EEIG2: variants seen among roughly 807,000 people sequenced by gnomAD.
EEIG2 encodes EEIG family member 2, also known as family with sequence similarity 102 member B.
At chr1:108,571,326 A>G in the EEIG2 span, among the ~76,000 whole-genome samples, 1 of 152,202 alleles carries the variant, frequency 6.6e-6, no homozygotes, top group African/African-American at 2.4e-5. Context: ...CTGTAGGGGT[A>G]CAATACAGCT....
chr1:108,617,029 G>C, the EEIG2 span, among the ~76,000 whole-genome samples: 2 of 152,178 alleles, frequency 1.3e-5, no homozygotes, highest in Admixed American at 6.5e-5. Context: ...AGTCACACTG[G>C]CATTAGGGGG....
the EEIG2 span, among the ~76,000 whole-genome samples, chr1:108,576,910 C>A: frequency 6.6e-6 from 1 of 152,032 alleles, no homozygotes; most frequent in Non-Finnish European, 1.5e-5. Flanking sequence ...TACAGTCCCA[C>A]CAACAGTGTA....
chr1:108,570,335 G>T, the EEIG2 span, among the ~76,000 whole-genome samples: 2 of 152,158 alleles, frequency 1.3e-5, no homozygotes, highest in Non-Finnish European at 2.9e-5. Flanking sequence ...TAGAGGAAGG[G>T]AGAGGAAGTG....
the EEIG2 span, among the ~76,000 whole-genome samples, chr1:108,595,472 G>A: frequency 1.4e-5 from 2 of 145,038 alleles, no homozygotes; most frequent in African/African-American, 2.6e-5. Flanking sequence ...AAGGAAGGGA[G>A]GGGGGAAATG....
the EEIG2 span, chr1:108,639,022 A>G: frequency 4.6e-5 from 7 of 152,232 alleles, no homozygotes; most frequent in Admixed American, 4.6e-4. Flanking sequence ...CCATGGAGAA[A>G]AGACATCTCA....
chr1:108,628,536 A>G, the EEIG2 span: 1 of 1,614,042 alleles, frequency 6.2e-7, no homozygotes, highest in Non-Finnish European at 8.5e-7. Context: ...GCTGAGCCAA[A>G]TCTTGATACA....
the EEIG2 span, among the ~76,000 whole-genome samples, chr1:108,633,570 G>A: frequency 7.2e-5 from 11 of 152,282 alleles, no homozygotes; most frequent in South Asian, 1.5e-3. Flanking sequence ...CTTTAGGGAC[G>A]TTAAATTTTT....
At chr1:108,582,578 CAT>C in the EEIG2 span, among the ~76,000 whole-genome samples, 4 of 152,094 alleles carry the variant, frequency 2.6e-5, no homozygotes, top group Non-Finnish European at 2.9e-5. Flanking sequence ...CAAATGCTAT[CAT>C]GTGTCATTTT....
At chr1:108,638,919 A>G in the EEIG2 span, 1 of 152,204 alleles carries the variant, frequency 6.6e-6, no homozygotes, top group East Asian at 1.9e-4. Flanking sequence ...AGCTGACAAA[A>G]TTTTTAATTT....
At chr1:108,632,523 A>T in the EEIG2 span, among the ~76,000 whole-genome samples, 8 of 152,296 alleles carry the variant, frequency 5.3e-5, no homozygotes, top group African/African-American at 1.9e-4. Context: ...AGCAGGGGGA[A>T]CTAGGTAGAA....
the EEIG2 span, chr1:108,628,725 T>A: frequency 6.2e-7 from 1 of 1,613,354 alleles, no homozygotes; most frequent in Non-Finnish European, 8.5e-7. Context: ...AGCGAGTTGA[T>A]GACACCAGGG....
chr1:108,560,302 C>G, the EEIG2 span: 2 of 683,260 alleles, frequency 2.9e-6, no homozygotes, highest in African/African-American at 2.0e-5. Flanking sequence ...GCCTGCGGCG[C>G]CCCCCGGCCG....
At chr1:108,578,744 G>C in the EEIG2 span, among the ~76,000 whole-genome samples, 1 of 150,600 alleles carries the variant, frequency 6.6e-6, no homozygotes, top group Non-Finnish European at 1.5e-5. Flanking sequence ...GGATCTCTCG[G>C]CAGAAACCCT....
chr1:108,615,043 T>G, the EEIG2 span, among the ~76,000 whole-genome samples: 12 of 152,132 alleles, frequency 7.9e-5, no homozygotes, highest in African/African-American at 2.7e-4. Flanking sequence ...GTCATGGAGG[T>G]GCTGGGATGA....
the EEIG2 span, among the ~76,000 whole-genome samples, chr1:108,576,350 G>A: frequency 1.3e-5 from 2 of 150,844 alleles, no homozygotes; most frequent in African/African-American, 4.9e-5. Flanking sequence ...CATTGTGCAG[G>A]TTAGTTACAT....
At chr1:108,583,188 ACT>A in the EEIG2 span, among the ~76,000 whole-genome samples, 5 of 151,604 alleles carry the variant, frequency 3.3e-5, no homozygotes, top group Admixed American at 2.6e-4. Flanking sequence ...ACAGGGTCTC[ACT>A]CTGTCATCCA....
At chr1:108,587,536 C>T in the EEIG2 span, among the ~76,000 whole-genome samples, 2 of 152,132 alleles carry the variant, frequency 1.3e-5, no homozygotes, top group African/African-American at 4.8e-5. Flanking sequence ...AGAGAAGTTT[C>T]ACTGCCCTAA....
chr1:108,600,760 T>A, the EEIG2 span: 1 of 1,484,388 alleles, frequency 6.7e-7, no homozygotes, highest in Non-Finnish European at 9.2e-7. Flanking sequence ...TGGCTTTGTT[T>A]ATCTCTGCTT....
At chr1:108,588,831 C>T in the EEIG2 span, among the ~76,000 whole-genome samples, 2 of 151,300 alleles carry the variant, frequency 1.3e-5, no homozygotes, top group African/African-American at 4.9e-5. Flanking sequence ...ATATTTTCTC[C>T]CCTCTGTAGG....
Sources: allele counts gnomAD v4.1 joint callset (sites outside exome capture counted in the v4.1 genomes callset), GRCh38; gene constraint gnomAD v4.1.1; transcripts MANE v1.5; gene names NCBI Gene and HGNC (gene_info 2026-07-23, HGNC 2026-07-21).